The following PRKAR1B variants were observed in gnomAD, a reference collection of about 807,000 sequenced individuals.
PRKAR1B encodes the protein cAMP-dependent protein kinase type I-beta regulatory subunit.
Under a neutral mutation model 46.5 loss-of-function variants are expected in PRKAR1B, and 22 were observed. The observed-to-expected ratio is 0.47, with a 90% CI of 0.34 to 0.68. The LOEUF (loss-of-function observed/expected upper bound fraction) is 0.68, where lower values mean the gene tolerates loss of function less well. PRKAR1B is among the 30% of genes least tolerant of loss of function. PRKAR1B has a pLI of 0.01. For missense variants in PRKAR1B, 445 were observed against 535.6 expected, an observed-to-expected ratio of 0.83 and a Z score of 1.67; for synonymous variants, 259 against 217.7, an observed-to-expected ratio of 1.19 and a Z score of -1.67.
chr7:580,442 T>A (rs1780108314), intron 8 of PRKAR1B, among the ~76,000 whole-genome samples: 1 of 152,022 alleles, frequency 6.6e-6, no homozygotes. Flanking sequence ...TAATTCAGAA[T>A]GGTAACTGCC....
chr7:564,250 G>A (rs1778999027), intron 9 of PRKAR1B, among the ~76,000 whole-genome samples: 1 of 152,186 alleles, frequency 6.6e-6, no homozygotes. Flanking sequence ...ATGGACGGGA[G>A]GTGGGGCCAG....
At chr7:605,091 T>C (rs1781935854) in intron 6 of PRKAR1B, among the ~76,000 whole-genome samples, 1 of 152,180 alleles carries the variant, frequency 6.6e-6, no homozygotes. Context: ...TGATGCCCAC[T>C]GGGAAGTGAC....
intron 2 of PRKAR1B, among the ~76,000 whole-genome samples, chr7:693,234 C>G (rs370880720): frequency 1.4e-5 from 2 of 145,768 alleles, no homozygotes; most frequent in African/African-American, 2.6e-5. Context: ...TGGGTCCTGT[C>G]GAGCTTTTTT....
chr7:618,547 T>C (rs1461359173), intron 4 of PRKAR1B, among the ~76,000 whole-genome samples: 3 of 152,204 alleles, frequency 2.0e-5, no homozygotes, highest in Non-Finnish European at 4.4e-5. Flanking sequence ...TTCTTCTTTT[T>C]CTTCAAGGAG....
chr7:635,325 C>T lies in PRKAR1B; in HGVS notation c.441-27873G>A, dbSNP rs936448572. ...AGGACCAGACTGGCCCTGAATGTTCCGGATCTGGGCCAGATGTCATGTTCG... is the reference window on the plus strand; with the variant it reads ...AGGACCAGACTGGCCCTGAATGTTCTGGATCTGGGCCAGATGTCATGTTCG... On this transcript the variant is annotated intron_variant, in intron 4 of 10. Transcript: ENST00000537384. 3.9e-5 allele frequency among the ~76,000 whole-genome samples: 6 copies of T among 152,210 alleles called. No individual in the cohort carries two copies. The East Asian group carries it at 5.8e-4, about 15-fold the overall frequency.
At chr7:660,745 G>A (rs1785484787) in intron 4 of PRKAR1B, among the ~76,000 whole-genome samples, 3 of 112,074 alleles carry the variant, frequency 2.7e-5, no homozygotes, top group South Asian at 3.4e-4. Flanking sequence ...CACCCCAACG[G>A]GTCCAAATAC....
At chr7:627,796 G>A (rs1321984715) in intron 4 of PRKAR1B, among the ~76,000 whole-genome samples, 1 of 152,146 alleles carries the variant, frequency 6.6e-6, no homozygotes, top group Non-Finnish European at 1.5e-5. Flanking sequence ...CAGCCTGGAA[G>A]ATCCAGGCCA....
intron 2 of PRKAR1B, among the ~76,000 whole-genome samples, chr7:703,324 T>C (rs1780156076): frequency 6.6e-6 from 1 of 152,060 alleles, no homozygotes; most frequent in African/African-American, 2.4e-5. Flanking sequence ...TGTTCTTTGG[T>C]AGTAGGTATA....
chr7:573,984 A>G (rs1401815271), intron 9 of PRKAR1B, among the ~76,000 whole-genome samples: 1 of 152,234 alleles, frequency 6.6e-6, no homozygotes, highest in Non-Finnish European at 1.5e-5. Flanking sequence ...CGCCCGGCAC[A>G]TACTCAACAC....
chr7:552,532 C>T (rs1398324351), intron 9 of PRKAR1B, among the ~76,000 whole-genome samples: 1 of 152,198 alleles, frequency 6.6e-6, no homozygotes, highest in African/African-American at 2.4e-5. Context: ...CTGCCACCAC[C>T]ACATCCAATG....
At chr7:713,817 G>A (rs1780777487) in intron 1 of PRKAR1B, among the ~76,000 whole-genome samples, 1 of 152,212 alleles carries the variant, frequency 6.6e-6, no homozygotes, top group African/African-American at 2.4e-5. Context: ...TTCCTGCCAG[G>A]GTGAACGTAA....
chr7:593,889 C>G lies in PRKAR1B; in HGVS notation c.708+2257G>C, dbSNP rs1220118780. 6.6e-6 allele frequency among the ~76,000 whole-genome samples: 1 copy of G among 152,176 alleles called. No individual in the cohort carries two copies. The highest frequency in any genetic ancestry group is 1.5e-5 in the Non-Finnish European group (1 of 68,020). On this transcript the variant is annotated intron_variant, in intron 7 of 10. Transcript: ENST00000537384. The surrounding 1 kb of genome is among the most constrained non-coding windows in gnomAD (Gnocchi z 6.1). ...ATGAGAAGCTCATGGGGTGCAGAAT[C>G]TGATGAAACAGCCGCCCCAAAGACT... is the stretch of plus-strand genomic sequence containing the variant.
chr7:694,350 C>T (rs772833724), intron 2 of PRKAR1B, among the ~76,000 whole-genome samples: 2 of 148,364 alleles, frequency 1.3e-5, no homozygotes, highest in Non-Finnish European at 1.5e-5. Flanking sequence ...AGTTTAGACC[C>T]GGGACCAAGA....
chr7:693,417 G>A (rs1476409228), intron 2 of PRKAR1B, among the ~76,000 whole-genome samples: 8 of 136,854 alleles, frequency 5.8e-5, no homozygotes, highest in South Asian at 2.5e-4. Flanking sequence ...CCCGACACCC[G>A]CCCCAGCCCC....
At position 579,115 on chromosome 7, in the gene PRKAR1B, T is replaced by G. The variant is rs904467982; in HGVS notation, c.891+141A>C. The G allele has an allele frequency of 7.8e-6, 12 of 1,545,088 alleles. No homozygotes were observed. In the African/African-American group the frequency reaches 1.5e-4, roughly 19 times the overall value. The stretch of plus-strand genomic sequence containing the variant: ...GTGAGGCCACAGACCACCCACCCCA[T>G]GGAGGCCCCGGACGGGCGTGCGGTC... On this transcript the variant is annotated intron_variant, in intron 9 of 10. Coordinates refer to ENST00000537384, the MANE Select transcript of PRKAR1B (RefSeq NM_001164760.2).
intron 2 of PRKAR1B, among the ~76,000 whole-genome samples, chr7:701,327 G>A (rs1474496374): frequency 2.0e-5 from 3 of 149,994 alleles, no homozygotes; most frequent in Non-Finnish European, 3.0e-5. Context: ...AAAAGAAAGA[G>A]AAGAAAAGAA....
At chr7:561,980 C>T (rs1272683502) in intron 9 of PRKAR1B, 2 of 152,326 alleles carry the variant, frequency 1.3e-5, no homozygotes, top group Admixed American at 6.5e-5. Context: ...CTGTCCGTCC[C>T]GGGACCTACG....
At chr7:682,017 G>C (rs1778711367) in intron 2 of PRKAR1B, among the ~76,000 whole-genome samples, 1 of 152,094 alleles carries the variant, frequency 6.6e-6, no homozygotes, top group Non-Finnish European at 1.5e-5. Context: ...GCCTCTTTGG[G>C]AAAAGGGTGA....
rs1783286267 is a variant in PRKAR1B, at chr7:624,614, A to C, written c.441-17162T>G. Among the ~76,000 whole-genome samples, 3 of 152,222 alleles carry C rather than the reference A, an allele frequency of 2.0e-5. 1 individual carries two copies. The highest frequency in any genetic ancestry group is 2.0e-4 in the Admixed American group (3 of 15,286). On this transcript the variant is annotated intron_variant, in intron 4 of 10. Coordinates refer to ENST00000537384, the MANE Select transcript of PRKAR1B (RefSeq NM_001164760.2). ...GGTGATTGGTTAATTAAGTTACAGAATGGAACACAAGGAGGTATTAAAAAA... is the reference window on the plus strand; with the variant it reads ...GGTGATTGGTTAATTAAGTTACAGACTGGAACACAAGGAGGTATTAAAAAA...
Sources: allele counts gnomAD v4.1 joint callset (sites outside exome capture counted in the v4.1 genomes callset), GRCh38; gene constraint gnomAD v4.1.1; non-coding constraint Gnocchi (gnomAD v3.1); transcripts MANE v1.5; gene names NCBI Gene and HGNC (gene_info 2026-07-23, HGNC 2026-07-21).